TENM3: variants seen among roughly 807,000 people sequenced by gnomAD.
TENM3 encodes teneurin transmembrane protein 3.
In TENM3, 63 loss-of-function variants were observed where a neutral mutation model predicts 255.1. The observed-to-expected ratio is 0.25, with a 90% CI of 0.20 to 0.30. The LOEUF (loss-of-function observed/expected upper bound fraction) is 0.30, where lower values mean the gene tolerates loss of function less well. Ranked by LOEUF, TENM3 falls within the 10% of genes least tolerant of loss-of-function variation. The pLI is 1.00. For missense variants in TENM3, 2,929 were observed against 3,461.1 expected, an observed-to-expected ratio of 0.85 and a Z score of 3.86; for synonymous variants, 1,306 against 1,322.3, an observed-to-expected ratio of 0.99 and a Z score of 0.27.
the TENM3 span, among the ~76,000 whole-genome samples, chr4:181,574,248 C>A: frequency 6.6e-6 from 1 of 152,192 alleles, no homozygotes; most frequent in South Asian, 2.1e-4. Flanking sequence ...TAAATGTCTT[C>A]CGGCCGGGCG....
intron 13 of TENM3, among the ~76,000 whole-genome samples, chr4:182,718,406 T>A (rs1157884928): frequency 6.6e-6 from 1 of 152,136 alleles, no homozygotes; most frequent in Non-Finnish European, 1.5e-5. Context: ...TTCTTCATGG[T>A]TGTGTGTGGC....
the TENM3 span, among the ~76,000 whole-genome samples, chr4:181,910,491 T>G: frequency 6.6e-6 from 1 of 151,018 alleles, no homozygotes; most frequent in Admixed American, 6.6e-5. Context: ...TGAGCCAAGA[T>G]TGTGCCACTG....
chr4:181,646,727 T>A, the TENM3 span, among the ~76,000 whole-genome samples: 4 of 152,308 alleles, frequency 2.6e-5, no homozygotes, highest in South Asian at 8.3e-4. Context: ...CGTCTGACTC[T>A]GGGACCCCTG....
chr4:182,188,717 A>G (rs957248543), intron 1 of TENM3, among the ~76,000 whole-genome samples: 13 of 152,204 alleles, frequency 8.5e-5, no homozygotes, highest in African/African-American at 3.1e-4. Context: ...TGCTAATTGC[A>G]GAAGGGAAGC....
At chr4:181,743,208 G>T in the TENM3 span, among the ~76,000 whole-genome samples, 2 of 152,164 alleles carry the variant, frequency 1.3e-5, no homozygotes. Flanking sequence ...GGGATGGCTG[G>T]GTCAAATGGT....
At chr4:182,015,593 C>T in the TENM3 span, among the ~76,000 whole-genome samples, 1 of 150,796 alleles carries the variant, frequency 6.6e-6, no homozygotes, top group Non-Finnish European at 1.5e-5. Flanking sequence ...CAGGGTCTCA[C>T]TCTGTCGCCC....
At chr4:182,770,105 G>GAAAAA (rs34469288) in intron 22 of TENM3, among the ~76,000 whole-genome samples, 1 of 92,736 alleles carries the variant, frequency 1.1e-5, no homozygotes. Context: ...GACTTGTCTC[G>GAAAAA]AAAAAAAAAA....
chr4:181,454,681 AC>A, the TENM3 span, among the ~76,000 whole-genome samples: 1 of 149,276 alleles, frequency 6.7e-6, no homozygotes, highest in East Asian at 2.0e-4. Flanking sequence ...CCATTTTTAT[AC>A]TTTTTTTTTC....
chr4:181,684,839 C>T, the TENM3 span, among the ~76,000 whole-genome samples: 29 of 151,114 alleles, frequency 1.9e-4, no homozygotes, highest in African/African-American at 5.3e-4. Context: ...ACTGCAGCCT[C>T]GAACTCCTGG....
At chr4:182,671,218 ATTTTC>A (rs1164199871) in intron 6 of TENM3, among the ~76,000 whole-genome samples, 4 of 151,862 alleles carry the variant, frequency 2.6e-5, no homozygotes, top group African/African-American at 7.3e-5. Flanking sequence ...TACTCTCCCC[ATTTTC>A]TAAATGAGGT....
the TENM3 span, among the ~76,000 whole-genome samples, chr4:181,926,570 T>A: frequency 6.6e-6 from 1 of 151,730 alleles, no homozygotes; most frequent in Non-Finnish European, 1.5e-5. Flanking sequence ...GGTTTTGGGG[T>A]TTTGTTGTTG....
chr4:181,472,459 GC>G, the TENM3 span, among the ~76,000 whole-genome samples: 1 of 150,276 alleles, frequency 6.7e-6, no homozygotes, highest in Non-Finnish European at 1.5e-5. Context: ...GGAAGGGTGG[GC>G]CCCCCAAAAG....
chr4:182,186,445 A>G (rs1364910934), intron 1 of TENM3, among the ~76,000 whole-genome samples: 1 of 152,028 alleles, frequency 6.6e-6, no homozygotes, highest in East Asian at 1.9e-4. Flanking sequence ...ATGTCTTTGA[A>G]TTCAGAGAGA....
intron 3 of TENM3, among the ~76,000 whole-genome samples, chr4:182,510,426 A>G (rs1737275353): frequency 6.6e-6 from 1 of 152,188 alleles, no homozygotes; most frequent in Non-Finnish European, 1.5e-5. Flanking sequence ...CCACTTGCCT[A>G]AAAGACTTCT....
intron 5 of TENM3, among the ~76,000 whole-genome samples, chr4:182,646,789 C>T (rs1002655395): frequency 2.0e-5 from 3 of 151,920 alleles, no homozygotes; most frequent in Non-Finnish European, 2.9e-5. Flanking sequence ...AAGAGATACC[C>T]ATAACCATTG....
At chr4:181,964,905 A>T in the TENM3 span, among the ~76,000 whole-genome samples, 2 of 152,192 alleles carry the variant, frequency 1.3e-5, no homozygotes, top group South Asian at 4.1e-4. Flanking sequence ...AACCCCTTTG[A>T]CGAAAAAGTT....
At chr4:182,627,907 G>T (rs1750982413) in intron 4 of TENM3, among the ~76,000 whole-genome samples, 1 of 151,936 alleles carries the variant, frequency 6.6e-6, no homozygotes, top group South Asian at 2.1e-4. Context: ...GGTGGTTAGG[G>T]AATGTTTCCG....
chr4:181,936,819 G>A, the TENM3 span, among the ~76,000 whole-genome samples: 4 of 151,884 alleles, frequency 2.6e-5, no homozygotes, highest in East Asian at 7.8e-4. Flanking sequence ...ACTAAAACAA[G>A]CAGAAGGGGA....
chr4:182,120,121 A>ACT, the TENM3 span, among the ~76,000 whole-genome samples: 1 of 150,272 alleles, frequency 6.7e-6, no homozygotes, highest in African/African-American at 2.5e-5. Context: ...ACACACACAC[A>ACT]CTCCTTTCTC....
Sources: gnomAD v4.1 joint callset for allele counts (sites outside exome capture counted in the v4.1 genomes callset) on GRCh38, gnomAD v4.1.1 for gene constraint, MANE v1.5 for transcripts, NCBI Gene and HGNC (gene_info 2026-07-23, HGNC 2026-07-21) for gene names.